Variants in MYO16 observed in about 807,000 individuals in gnomAD.
MYO16 encodes unconventional myosin-XVI.
In MYO16, 94 loss-of-function variants were observed where a neutral mutation model predicts 205.3. The observed-to-expected ratio is 0.46, with a 90% confidence interval of 0.39 to 0.54. The LOEUF is 0.54. Ranked by LOEUF, MYO16 falls within the 20% of genes least tolerant of loss-of-function variation. The pLI, the probability that MYO16 is intolerant of heterozygous loss-of-function variation, is 0.00. For missense variants in MYO16, 2,315 were observed against 2,387.5 expected (o/e 0.97, Z 0.63); for synonymous variants, 988 against 954.0 (o/e 1.04, Z -0.66).
At chr13:108,671,859 A>G (rs1471488445) in intron 2 of MYO16, among the ~76,000 whole-genome samples, 2 of 152,162 alleles carry the variant, frequency 1.3e-5, no homozygotes, top group African/African-American at 2.4e-5. Flanking sequence ...ATGGGACTTC[A>G]TCTCATAAAC....
intron 7 of MYO16, among the ~76,000 whole-genome samples, chr13:108,812,308 G>A (rs948642431): frequency 1.3e-5 from 2 of 152,188 alleles, no homozygotes; most frequent in Admixed American, 1.3e-4. Flanking sequence ...CTTTTAGTCT[G>A]TAAGAAGTGA....
At chr13:109,092,103 G>T (rs1036254691) in intron 27 of MYO16, among the ~76,000 whole-genome samples, 15 of 152,126 alleles carry the variant, frequency 9.9e-5, no homozygotes, top group African/African-American at 3.1e-4. Context: ...GGGGTTTCAG[G>T]ACACTGAAAC....
chr13:108,706,289 T>C (rs1352325048), intron 2 of MYO16, among the ~76,000 whole-genome samples: 2 of 152,142 alleles, frequency 1.3e-5, no homozygotes, highest in African/African-American at 4.8e-5. Flanking sequence ...TTTCATATTG[T>C]GGCAGGGCAG....
Position 108,855,453 on chromosome 13 carries a change from T to C in MYO16, c.1259T>C (p.Met420Thr), listed in dbSNP as rs1354980975. The C allele has an allele frequency of 7.0e-6, 11 of 1,575,474 alleles. No homozygotes were observed. The highest frequency in any genetic ancestry group is 9.6e-6 in the Non-Finnish European group (11 of 1,150,560). ...TCGGTTCTTCCCCAGGTCAAGCTAA[T>C]GCCTCCTGCCCCAAACGATGACCTG... ...GSTKPEQVKL[M>T]PPAPNDDLAT... is the part of the protein sequence containing the mutation. The change falls in exon 11 of 35, where the codon ATG becomes ACG. Residue 420 changes from methionine (M) to threonine (T), a missense_variant. Met to Thr is a moderately conservative substitution (Grantham distance 81). This residue lies in a region of MYO16 where 1,213 missense variants were observed against 1,274.4 expected (regional missense o/e 0.95). Transcript: ENST00000457511.
chr13:109,199,288 G>C (rs1054421524), intron 34 of MYO16, among the ~76,000 whole-genome samples: 1 of 138,328 alleles, frequency 7.2e-6, no homozygotes, highest in African/African-American at 2.6e-5. Flanking sequence ...AACACTTTAA[G>C]ACACGTGTTT....
At chr13:109,196,148 T>C (rs1342483526) in intron 34 of MYO16, among the ~76,000 whole-genome samples, 1 of 152,190 alleles carries the variant, frequency 6.6e-6, no homozygotes, top group Non-Finnish European at 1.5e-5. Flanking sequence ...TCTTATCTAA[T>C]TGATGTCTCC....
chr13:108,715,717 T>C (rs1465119851), intron 3 of MYO16, among the ~76,000 whole-genome samples: 1 of 152,192 alleles, frequency 6.6e-6, no homozygotes, highest in East Asian at 1.9e-4. Flanking sequence ...TGGAGAGGGA[T>C]AAGCAGATGA....
intron 28 of MYO16, among the ~76,000 whole-genome samples, chr13:109,115,862 G>T (rs1233825827): frequency 6.6e-6 from 1 of 152,082 alleles, no homozygotes; most frequent in Non-Finnish European, 1.5e-5. Context: ...TGTAAAGACT[G>T]CATTCAGAAT....
Position 108,898,030 on chromosome 13 carries a change from A to G in MYO16, c.1674A>G (p.Leu558=). The G allele has an allele frequency of 1.9e-6, 3 of 1,613,320 alleles. No homozygotes were observed. Among genetic ancestry groups the G allele is most frequent in the Non-Finnish European group, 2.5e-6 (3 of 1,179,190 alleles). The change falls in exon 15 of 35, where the codon TTA becomes TTG. Residue 558 remains leucine, a synonymous_variant. Coordinates refer to ENST00000457511, the MANE Select transcript of MYO16 (RefSeq NM_001198950.3). ...CTCTCCCACAGGTCGTGTGCATCTTAGAAGCCTTTGGACATGCCAAGACCA... is the reference window on the plus strand; with the variant it reads ...CTCTCCCACAGGTCGTGTGCATCTTGGAAGCCTTTGGACATGCCAAGACCA... ...DSRFKHVVCI[L]EAFGHAKTTL... is the part of the protein sequence containing the mutation.
chr13:108,660,381 G>C (rs919234804), intron 1 of MYO16, among the ~76,000 whole-genome samples: 3 of 152,134 alleles, frequency 2.0e-5, no homozygotes, highest in African/African-American at 4.8e-5. Flanking sequence ...GAGTATTGGA[G>C]TCCCCCACTA....
At chr13:109,102,503 T>C (rs1889002568) in intron 28 of MYO16, among the ~76,000 whole-genome samples, 1 of 4,422 alleles carries the variant, frequency 2.3e-4, no homozygotes, top group Non-Finnish European at 1.1e-3. Context: ...TATGTGTGTG[T>C]GTGTGTATAT....
chr13:108,929,433 G>A (rs968690771), intron 16 of MYO16, among the ~76,000 whole-genome samples: 1 of 152,150 alleles, frequency 6.6e-6, no homozygotes, highest in African/African-American at 2.4e-5. Context: ...ATAACAAAAA[G>A]CAGGTAATAT....
At chr13:108,555,900 C>T in the MYO16 span, among the ~76,000 whole-genome samples, 2 of 152,166 alleles carry the variant, frequency 1.3e-5, no homozygotes, top group African/African-American at 4.8e-5. Context: ...GGTCCAAGTT[C>T]ATTCATGTCG....
chr13:108,789,907 C>T (rs180766913), intron 5 of MYO16, among the ~76,000 whole-genome samples: 1 of 152,150 alleles, frequency 6.6e-6, no homozygotes, highest in Admixed American at 6.5e-5. Flanking sequence ...AAGGCATATG[C>T]GGATCTTATA....
chr13:108,898,275 G>A, intron 15 of MYO16, 142 bp downstream of exon 15: 1 of 679,854 alleles, frequency 1.5e-6, no homozygotes, highest in Middle Eastern at 2.5e-4. Context: ...TCTGGAAACA[G>A]CTTAAGATAC....
At chr13:108,884,588 G>A (rs1879769479) in intron 13 of MYO16, among the ~76,000 whole-genome samples, 1 of 152,166 alleles carries the variant, frequency 6.6e-6, no homozygotes, top group African/African-American at 2.4e-5. Context: ...CGAGACAGGG[G>A]CTCTCACCCA....
chr13:108,929,693 C>T (rs1213548852), intron 16 of MYO16, among the ~76,000 whole-genome samples: 1 of 152,066 alleles, frequency 6.6e-6, no homozygotes, highest in Admixed American at 6.5e-5. Context: ...AGCACAAGGT[C>T]CTGCCTTCCA....
At chr13:108,573,981 G>T in the MYO16 span, among the ~76,000 whole-genome samples, 2 of 152,182 alleles carry the variant, frequency 1.3e-5, no homozygotes, top group South Asian at 2.1e-4. Context: ...CTCCCAAGTA[G>T]CTGGGACCAC....
At chr13:108,621,110 G>T (rs553992690) in intron 1 of MYO16, among the ~76,000 whole-genome samples, 1 of 152,146 alleles carries the variant, frequency 6.6e-6, no homozygotes, top group Non-Finnish European at 1.5e-5. Context: ...TCTGGTGTGT[G>T]CTAGGCACCA....
Sources: gnomAD v4.1 joint callset for allele counts (sites outside exome capture counted in the v4.1 genomes callset) on GRCh38, gnomAD v4.1.1 for gene constraint, gnomAD v4.1.1 regional missense constraint, MANE v1.5 for transcripts, NCBI Gene and HGNC (gene_info 2026-07-23, HGNC 2026-07-21) for gene names.